The following METAP1 variants were observed in gnomAD, a reference collection of about 807,000 sequenced individuals.
The protein encoded by METAP1 is methionyl aminopeptidase 1, also known as methionine aminopeptidase 1.
A neutral mutation model predicts 53.8 loss-of-function variants in METAP1; 28 were observed. The ratio of observed to expected loss-of-function variants is 0.52; its 90% CI spans 0.39 to 0.71. METAP1 has a LOEUF of 0.71. METAP1 is among the 30% of genes least tolerant of loss of function. METAP1 has a pLI of 0.00. For synonymous variants in METAP1, 181 were observed against 165.7 expected (o/e 1.09, Z -0.71); for missense variants, 389 against 479.8 (o/e 0.81, Z 1.77).
chr4:99,025,291 G>T, intron 1 of METAP1: 1 of 836,420 alleles, frequency 1.2e-6, no homozygotes. Flanking sequence ...CAGCTTGGAG[G>T]TTAGAAGCAA....
Position 99,043,370 on chromosome 4 carries a change from A to G in METAP1, c.638A>G (p.Glu213Gly). ...HGIPDRRPLQEGDIVNVDITL... is the reference protein window; with the variant it reads ...HGIPDRRPLQGGDIVNVDITL... The stretch of plus-strand genomic sequence containing the variant: ...ATACCAGACAGAAGGCCCTTACAAG[A>G]AGGTGACATTGTTAATGGTAAGAAA... The change falls in exon 7 of 11, where the codon GAA becomes GGA. Residue 213 changes from glutamate (E) to glycine (G), a missense_variant. Transcript: ENST00000296411. 1 of 1,600,428 alleles carries G rather than the reference A, an allele frequency of 6.2e-7. No individual in the cohort carries two copies. The highest frequency in any genetic ancestry group is 8.5e-7 in the Non-Finnish European group (1 of 1,172,958).
At position 99,028,883 on chromosome 4, in the gene METAP1, G is replaced by A; in HGVS notation, c.131G>A (p.Ser44Asn). ...TTCTTTTAGGAATGTTTTAAAGGAAGTTGGGCTACTCACAAGTTACTACAT... is the reference window on the plus strand; with the variant it reads ...TTCTTTTAGGAATGTTTTAAAGGAAATTGGGCTACTCACAAGTTACTACAT... ...YFCSQECFKG[S>N]WATHKLLHKK... Residue 44 changes from serine (S) to asparagine (N), a missense_variant, in exon 2 of 11, where the codon AGT (serine) becomes AAT (asparagine). Coordinates refer to ENST00000296411, the MANE Select transcript of METAP1 (RefSeq NM_015143.3). 6.5e-7 allele frequency: 1 copy of A among 1,544,696 alleles called. No homozygotes were observed. The highest frequency in any genetic ancestry group is 1.2e-5 in the South Asian group (1 of 82,788).
At chr4:99,006,094 CT>C (rs752353959) in intron 1 of METAP1, among the ~76,000 whole-genome samples, 1 of 152,150 alleles carries the variant, frequency 6.6e-6, no homozygotes, top group Non-Finnish European at 1.5e-5. Context: ...TGTTAACAGA[CT>C]TTTTATTTTT....
chr4:99,030,093 G>A (rs1016760812), intron 2 of METAP1, among the ~76,000 whole-genome samples: 20 of 152,172 alleles, frequency 1.3e-4, no homozygotes, highest in Non-Finnish European at 8.8e-5. Context: ...TGTTTCTAAT[G>A]TGTTAGGTAT....
intron 1 of METAP1, among the ~76,000 whole-genome samples, chr4:99,009,427 T>C (rs1723359608): frequency 6.6e-6 from 1 of 152,216 alleles, no homozygotes; most frequent in African/African-American, 2.4e-5. Context: ...TTTTAGTTTT[T>C]TGAGGAGCAG....
In METAP1 at chr4:99,043,266, T is replaced by C; in HGVS notation, c.534T>C (p.Asn178=). 1.3e-6 allele frequency: 2 copies of C among 1,592,596 alleles called. No homozygotes were observed. The highest frequency in any genetic ancestry group is 1.7e-6 in the Non-Finnish European group (2 of 1,164,840). ...HAVHLACIAR[N]CYPSPLNYYN... is the part of the protein sequence containing the mutation. Reference sequence around the variant, plus strand: ...TATTATAGGCATGTATTGCAAGAAATTGCTACCCTTCTCCCCTGAATTATT... The same window carrying C: ...TATTATAGGCATGTATTGCAAGAAACTGCTACCCTTCTCCCCTGAATTATT... The change falls in exon 7 of 11, where the codon AAT becomes AAC. Residue 178 remains asparagine, a synonymous_variant. Transcript: ENST00000296411.
intron 1 of METAP1, among the ~76,000 whole-genome samples, chr4:99,008,560 T>C (rs1723298099): frequency 6.6e-6 from 1 of 152,212 alleles, no homozygotes; most frequent in Non-Finnish European, 1.5e-5. Context: ...ATATGTACTA[T>C]ATACAGGTTA....
chr4:99,044,716 T>G (rs1028172201), intron 7 of METAP1, among the ~76,000 whole-genome samples: 2 of 152,066 alleles, frequency 1.3e-5, no homozygotes, highest in African/African-American at 2.4e-5. Flanking sequence ...TATTCACAAA[T>G]AAGAGAAAAG....
intron 8 of METAP1, among the ~76,000 whole-genome samples, chr4:99,047,917 C>G (rs1175102583): frequency 6.6e-6 from 1 of 152,096 alleles, no homozygotes; most frequent in Non-Finnish European, 1.5e-5. Flanking sequence ...TAGGGTTGTC[C>G]TGTAGAGGCA....
intron 1 of METAP1, among the ~76,000 whole-genome samples, chr4:99,024,192 C>T (rs893144149): frequency 6.6e-6 from 1 of 152,176 alleles, no homozygotes; most frequent in Admixed American, 6.5e-5. Context: ...ATTATCGGTA[C>T]ATGCAGCCCC....
rs115916853 is a variant in METAP1, at chr4:99,062,485, A to T, written c.*1168A>T. The T allele has an allele frequency of 6.5e-6, 1 of 152,684 alleles. No individual in the cohort carries two copies. The highest frequency in any genetic ancestry group is 1.5e-5 in the Non-Finnish European group (1 of 68,044). The allele number at this position is 152,684 out of a possible 1,614,324, so 9.5% of individuals were successfully genotyped here. On this transcript the variant is annotated 3_prime_UTR_variant, in exon 11 of 11. Coordinates refer to ENST00000296411, the MANE Select transcript of METAP1 (RefSeq NM_015143.3). ...AAGTAGGAGTGTATCCAGTGAAGACATATCAAATCACAAAGTCATTGTCAT... is the reference window on the plus strand; with the variant it reads ...AAGTAGGAGTGTATCCAGTGAAGACTTATCAAATCACAAAGTCATTGTCAT...
intron 1 of METAP1, chr4:99,025,605 C>G (rs1007452896): frequency 1.8e-6 from 1 of 555,440 alleles, no homozygotes; most frequent in Non-Finnish European, 2.3e-6. Context: ...GCTTGTAAAC[C>G]AAAAAAATAA....
chr4:99,042,997 C>T (rs991005218), intron 6 of METAP1, among the ~76,000 whole-genome samples: 1 of 152,124 alleles, frequency 6.6e-6, no homozygotes, highest in Non-Finnish European at 1.5e-5. Flanking sequence ...ATTAGGAATA[C>T]TTAACCTGTA....
chr4:99,005,347 A>T (rs961037599), intron 1 of METAP1, among the ~76,000 whole-genome samples: 3 of 152,250 alleles, frequency 2.0e-5, no homozygotes, highest in African/African-American at 7.2e-5. Context: ...GAATTTTCTC[A>T]AAAGAAGATA....
chr4:99,049,289 A>C (rs1219642737), intron 9 of METAP1, among the ~76,000 whole-genome samples: 1 of 152,210 alleles, frequency 6.6e-6, no homozygotes, highest in African/African-American at 2.4e-5. Context: ...ATTCAGTCAC[A>C]TGGCTACATT....
Position 99,062,529 on chromosome 4 carries a change from T to A in METAP1, c.*1212T>A, listed in dbSNP as rs1054820803. The A allele has an allele frequency of 1.6e-4, 24 of 152,788 alleles. No homozygotes were observed. The highest frequency in any genetic ancestry group is 5.5e-4 in the African/African-American group (23 of 41,586). The allele number at this position is 152,788 out of a possible 1,614,324, so 9.5% of individuals were successfully genotyped here. On this transcript the variant is annotated 3_prime_UTR_variant, in exon 11 of 11. Transcript: ENST00000296411. ...TTGTCATTAGAGTGTACTTGATTACTGGGCATCCTTGTAATATAATTTCAT... is the reference window on the plus strand; with the variant it reads ...TTGTCATTAGAGTGTACTTGATTACAGGGCATCCTTGTAATATAATTTCAT...
At chr4:99,039,606 T>G (rs1725700726) in intron 5 of METAP1, 141 bp downstream of exon 5, 1 of 535,414 alleles carries the variant, frequency 1.9e-6, no homozygotes, top group Non-Finnish European at 3.2e-6. Flanking sequence ...TTTTTAACTT[T>G]TTTTTGAGAC....
chr4:99,058,273 C>T (rs1332474456), intron 10 of METAP1, among the ~76,000 whole-genome samples: 1 of 152,072 alleles, frequency 6.6e-6, no homozygotes, highest in African/African-American at 2.4e-5. Flanking sequence ...GAAACTGGTC[C>T]TTGAAGAGGG....
In METAP1 at chr4:99,034,374, C is replaced by G. The variant is rs1440136867; in HGVS notation, c.279+32C>G. ...AAATAAGGTAATAAAAACAACATTC[C>G]AATTTTGAATTTTCCAAAAATGATA... is the stretch of plus-strand genomic sequence containing the variant. On this transcript the variant is annotated intron_variant, in intron 3 of 10. Coordinates refer to ENST00000296411, the MANE Select transcript of METAP1 (RefSeq NM_015143.3). 32 of 1,275,450 alleles carry G rather than the reference C, an allele frequency of 2.5e-5. No individual in the cohort carries two copies. The Admixed American group carries it at 6.2e-4, about 25-fold the overall frequency. 79.0% of individuals were successfully genotyped at this position (1,275,450 alleles called of 1,614,324 possible). A position where few individuals can be genotyped will look rare whatever the true frequency, so the allele number is the denominator to read the frequency against.
Sources: gnomAD v4.1 joint callset for allele counts (sites outside exome capture counted in the v4.1 genomes callset) on GRCh38, gnomAD v4.1.1 for gene constraint, MANE v1.5 for transcripts, NCBI Gene and HGNC (gene_info 2026-07-23, HGNC 2026-07-21) for gene names.